The following ERFL variants were observed in gnomAD, a reference collection of about 807,000 sequenced individuals.
The protein encoded by ERFL is ETS repressor factor like, also known as ETS domain-containing transcription factor ERF-like.
A neutral mutation model predicts 27.9 loss-of-function variants in ERFL; 8 were observed. The ratio of observed to expected loss-of-function variants is 0.29; its 90% CI spans 0.17 to 0.52. The LOEUF (loss-of-function observed/expected upper bound fraction) is 0.52, where lower values mean the gene tolerates loss of function less well. Ranked by LOEUF, ERFL falls within the 20% of genes least tolerant of loss-of-function variation. The probability of loss-of-function intolerance (pLI) is 0.97; values close to 1 mark genes in which losing one functional copy is unlikely to be tolerated. For missense variants in ERFL, 294 were observed against 444.4 expected (o/e 0.66, Z 3.04); for synonymous variants, 174 against 202.8 (o/e 0.86, Z 1.21).
intron 1 of ERFL, among the ~76,000 whole-genome samples, chr19:41,919,349 C>T (rs558995586): frequency 2.8e-4 from 43 of 152,298 alleles, no homozygotes; most frequent in Non-Finnish European, 5.1e-4. Flanking sequence ...AACAGCCACA[C>T]ATAAACATGC....
At chr19:41,923,190 G>T (rs1555852802) in intron 1 of ERFL, 1 of 456,452 alleles carries the variant, frequency 2.2e-6, no homozygotes, top group South Asian at 1.5e-5. Context: ...AAGTAACTTG[G>T]CCAAAGTCCC....
rs963267725 is a variant in ERFL at position 41,908,077 on chromosome 19, C to T, written c.*151G>A. The stretch of plus-strand genomic sequence containing the variant: ...GTGGAGGGGGAAGTGAGACCCCCCC[C>T]ACTCTGGGGCTGGGGAAGGAGACTG... On this transcript the variant is annotated 3_prime_UTR_variant, in exon 6 of 6. Coordinates refer to ENST00000597630, the MANE Select transcript of ERFL (RefSeq NM_001365103.2). The surrounding 1 kb of genome is among the most constrained non-coding windows in gnomAD (Gnocchi z 6.7). 3.8e-5 allele frequency: 20 copies of T among 519,734 alleles called. No homozygotes were observed. The highest frequency in any genetic ancestry group is 1.6e-4 in the African/African-American group (8 of 50,848). The allele number at this position is 519,734 out of a possible 1,614,324, so 32.2% of individuals were successfully genotyped here.
At chr19:41,918,221 CATACCACAT>C (rs1406671891) in intron 1 of ERFL, among the ~76,000 whole-genome samples, 1 of 151,864 alleles carries the variant, frequency 6.6e-6, no homozygotes, top group African/African-American at 2.4e-5. Flanking sequence ...ATACACCACA[CATACCACAT>C]ATACACACCA....
intron 1 of ERFL, among the ~76,000 whole-genome samples, chr19:41,918,023 A>G (rs2074812460): frequency 6.6e-6 from 1 of 151,828 alleles, no homozygotes; most frequent in Admixed American, 6.6e-5. Context: ...AGGCACCAGG[A>G]GACCCTGTGC....
At chr19:41,919,972 C>G (rs564412475) in intron 1 of ERFL, among the ~76,000 whole-genome samples, 3 of 147,280 alleles carry the variant, frequency 2.0e-5, no homozygotes, top group Non-Finnish European at 4.5e-5. Context: ...ACAGACATGA[C>G]ACGCCCACAG....
rs559947959 is a variant in ERFL, at chr19:41,915,956, C to A, written c.-13-3024G>T. On this transcript the variant is annotated intron_variant, in intron 1 of 5. Transcript: ENST00000597630. ...CACCCCCCTCCCCCCCGCCGGCCGG[C>A]GTGGTGCGGATGGGTACTCCAGGCA... 2.6e-5 allele frequency among the ~76,000 whole-genome samples: 4 copies of A among 151,916 alleles called. No individual in the cohort carries two copies. In the South Asian group the frequency reaches 8.3e-4, roughly 32 times the overall value.
rs1379978975 is a variant in ERFL at position 41,917,446 on chromosome 19, C to T, written c.-13-4514G>A. ...GGAGCCGCCTCGGGCCTCGCACCCC[C>T]ACCACCAGCCCCTTCATCCCTCACC... is the stretch of plus-strand genomic sequence containing the variant. On this transcript the variant is annotated intron_variant, in intron 1 of 5. Coordinates refer to ENST00000597630, the MANE Select transcript of ERFL (RefSeq NM_001365103.2). The surrounding 1 kb of genome is among the most constrained non-coding windows in gnomAD (Gnocchi z 4.8). Among the ~76,000 whole-genome samples the T allele has an allele frequency of 6.6e-6, 1 of 151,942 alleles. No homozygotes were observed. The highest frequency in any genetic ancestry group is 1.5e-5 in the Non-Finnish European group (1 of 67,894).
At chr19:41,924,892 G>A (rs2074862555) in intron 1 of ERFL, among the ~76,000 whole-genome samples, 1 of 152,144 alleles carries the variant, frequency 6.6e-6, no homozygotes, top group Non-Finnish European at 1.5e-5. Context: ...CTTCCTAAAG[G>A]TGTGGTGGTG....
intron 1 of ERFL, among the ~76,000 whole-genome samples, 199 bp downstream of exon 1, chr19:41,927,841 C>G (rs564740208): frequency 6.6e-6 from 1 of 152,054 alleles, no homozygotes; most frequent in African/African-American, 2.4e-5. Context: ...TAGCGCTACC[C>G]GCCTCCCACC....
chr19:41,908,072 C>G lies in ERFL; in HGVS notation c.*156G>C. The G allele has an allele frequency of 2.0e-6, 1 of 497,282 alleles. No individual in the cohort carries two copies. The highest frequency in any genetic ancestry group is 1.1e-4 in the South Asian group (1 of 9,058). 30.8% of individuals were successfully genotyped at this position (497,282 alleles called of 1,614,324 possible). A position where few individuals can be genotyped will look rare whatever the true frequency, so the allele number is the denominator to read the frequency against. On this transcript the variant is annotated 3_prime_UTR_variant, in exon 6 of 6. Transcript: ENST00000597630. This position sits in a 1 kb window ranked among gnomAD's most constrained non-coding sequence, Gnocchi z 6.7. ...CCTCTGTGGAGGGGGAAGTGAGACC[C>G]CCCCCACTCTGGGGCTGGGGAAGGA...
rs2074775558 is a variant in ERFL, at chr19:41,914,546, T to TTCCCTCCCCTTCCACCATCTCTGTCTC, written c.-13-1641_-13-1615dup. Among the ~76,000 whole-genome samples, 32 of 118,448 alleles carry TTCCCTCCCCTTCCACCATCTCTGTCTC rather than the reference T, an allele frequency of 2.7e-4. 7 individuals carry two copies. The highest frequency in any genetic ancestry group is 1.2e-3 in the South Asian group (4 of 3,460). The allele number at this position is 118,448 out of a possible 152,430, so 77.7% of individuals were successfully genotyped here. ...TTCTCCCCATCTCTGCTATCCGTCT[T>TTCCCTCCCCTTCCACCATCTCTGTCTC]TCCCTCCCCTTCCACCATCTCTGTC... On this transcript the variant is annotated intron_variant, in intron 1 of 5. Coordinates refer to ENST00000597630, the MANE Select transcript of ERFL (RefSeq NM_001365103.2).
rs905992841 is a variant in ERFL at position 41,926,639 on chromosome 19, T to C, written c.-14+1401A>G. On this transcript the variant is annotated intron_variant, in intron 1 of 5. Coordinates refer to ENST00000597630, the MANE Select transcript of ERFL (RefSeq NM_001365103.2). Reference sequence around the variant, plus strand: ...CTGGGCTAGGCGAGGCCTGGCCTGCTGGCCTGCCGGGCAGCCAGGGCCCCT... The same window carrying C: ...CTGGGCTAGGCGAGGCCTGGCCTGCCGGCCTGCCGGGCAGCCAGGGCCCCT... 6.6e-5 allele frequency among the ~76,000 whole-genome samples: 10 copies of C among 151,104 alleles called. No homozygotes were observed. In the East Asian group the frequency reaches 2.0e-3, roughly 30 times the overall value.
intron 1 of ERFL, among the ~76,000 whole-genome samples, chr19:41,927,044 G>T (rs1890406219): frequency 6.6e-6 from 1 of 152,128 alleles, no homozygotes; most frequent in South Asian, 2.1e-4. Context: ...CAGAGATTTA[G>T]AGAGAGATAG....
In ERFL at chr19:41,909,858, C is replaced by A; in HGVS notation, c.302+5G>T. The A allele has an allele frequency of 6.2e-7, 1 of 1,605,008 alleles. No individual in the cohort carries two copies. Among genetic ancestry groups the A allele is most frequent in the East Asian group, 2.2e-5 (1 of 44,626 alleles). Reference sequence around the variant, plus strand: ...GGTGGGATCCAGCCCCAAGCCCTTCCTCACCGCAGGGCCCGGCTCAGCTTG... The same window carrying A: ...GGTGGGATCCAGCCCCAAGCCCTTCATCACCGCAGGGCCCGGCTCAGCTTG... On this transcript the variant is annotated splice_donor_5th_base_variant and intron_variant, in intron 3 of 5. Coordinates refer to ENST00000597630, the MANE Select transcript of ERFL (RefSeq NM_001365103.2). This position sits in a 1 kb window ranked among gnomAD's most constrained non-coding sequence, Gnocchi z 5.2.
Position 41,921,160 on chromosome 19 carries a change from G to A in ERFL, c.-14+6880C>T, listed in dbSNP as rs542663684. Among the ~76,000 whole-genome samples the A allele has an allele frequency of 8.2e-4, 125 of 152,270 alleles. No homozygotes were observed. Among genetic ancestry groups the A allele is most frequent in the African/African-American group, 2.9e-3 (120 of 41,544 alleles). Reference sequence around the variant, plus strand: ...GAGGGTGGAGGCGCCACCGTGAGGCGAGGCGGAGGGAGGTCTGGCTGCTCC... The same window carrying A: ...GAGGGTGGAGGCGCCACCGTGAGGCAAGGCGGAGGGAGGTCTGGCTGCTCC... On this transcript the variant is annotated intron_variant, in intron 1 of 5. Coordinates refer to ENST00000597630, the MANE Select transcript of ERFL (RefSeq NM_001365103.2). This position sits in a 1 kb window ranked among gnomAD's most constrained non-coding sequence, Gnocchi z 4.4.
Position 41,927,980 on chromosome 19 carries a change from T to G in ERFL, c.-14+60A>C, listed in dbSNP as rs1165989821. On this transcript the variant is annotated intron_variant, in intron 1 of 5. Transcript: ENST00000597630. ...CGGGACCACCCCCGCGCCCGCCCCC[T>G]CCTGGGGCGGGAATCCCCGCCCCCT... The G allele has an allele frequency of 2.0e-5, 3 of 148,960 alleles. No homozygotes were observed. In the East Asian group the frequency reaches 6.1e-4, roughly 30 times the overall value. 9.2% of individuals were successfully genotyped at this position (148,960 alleles called of 1,614,324 possible).
Position 41,910,748 on chromosome 19 carries a change from C to T in ERFL, c.68-651G>A, listed in dbSNP as rs2074747046. 6.6e-6 allele frequency among the ~76,000 whole-genome samples: 1 copy of T among 152,164 alleles called. No homozygotes were observed. The highest frequency in any genetic ancestry group is 2.1e-4 in the South Asian group (1 of 4,820). On this transcript the variant is annotated intron_variant, in intron 2 of 5. Transcript: ENST00000597630. The surrounding 1 kb of genome is among the most constrained non-coding windows in gnomAD (Gnocchi z 4.4). ...GTGTGTGCGTGGACACACACATGCCCACGGAAGACATGTCACACAGACATC... is the reference window on the plus strand; with the variant it reads ...GTGTGTGCGTGGACACACACATGCCTACGGAAGACATGTCACACAGACATC...
rs1371691879 is a variant in ERFL, at chr19:41,921,350, C to T, written c.-14+6690G>A. Among the ~76,000 whole-genome samples, 8 of 151,874 alleles carry T rather than the reference C, an allele frequency of 5.3e-5. No individual in the cohort carries two copies. Among genetic ancestry groups the T allele is most frequent in the East Asian group, 1.9e-4 (1 of 5,182 alleles). On this transcript the variant is annotated intron_variant, in intron 1 of 5. Transcript: ENST00000597630. The surrounding 1 kb of genome is among the most constrained non-coding windows in gnomAD (Gnocchi z 4.4). Reference sequence around the variant, plus strand: ...ACTGAGAGGAAGCAGGAGTGAGACACGGAGGGAGATGGAGGGGGATAGGCG... The same window carrying T: ...ACTGAGAGGAAGCAGGAGTGAGACATGGAGGGAGATGGAGGGGGATAGGCG...
In ERFL at chr19:41,926,010, G is replaced by A. The variant is rs575513396; in HGVS notation, c.-14+2030C>T. 1.1e-4 allele frequency among the ~76,000 whole-genome samples: 16 copies of A among 152,074 alleles called. 1 individual carries two copies. Among genetic ancestry groups the A allele is most frequent in the African/African-American group, 2.4e-4 (10 of 41,460 alleles). ...TGAGTGTGTGCATGTGTGGTGACTCGGTACTGCTTGAGAGGAGGAAGAGGT... is the reference window on the plus strand; with the variant it reads ...TGAGTGTGTGCATGTGTGGTGACTCAGTACTGCTTGAGAGGAGGAAGAGGT... On this transcript the variant is annotated intron_variant, in intron 1 of 5. Coordinates refer to ENST00000597630, the MANE Select transcript of ERFL (RefSeq NM_001365103.2).
Sources: gnomAD v4.1 joint callset for allele counts (sites outside exome capture counted in the v4.1 genomes callset) on GRCh38, gnomAD v4.1.1 for gene constraint, Gnocchi (gnomAD v3.1) non-coding constraint, MANE v1.5 for transcripts, NCBI Gene and HGNC (gene_info 2026-07-23, HGNC 2026-07-21) for gene names.